The following LHFPL2 variants were observed in gnomAD, a reference collection of about 807,000 sequenced individuals.
LHFPL2 encodes the protein LHFPL tetraspan subfamily member 2.
Under a neutral mutation model 17.5 loss-of-function variants are expected in LHFPL2, and 7 were observed. The ratio of observed to expected loss-of-function variants is 0.40; its 90% CI spans 0.23 to 0.75. The LOEUF is 0.75. Among genes scored for constraint, LHFPL2 ranks in the 30% least tolerant of loss-of-function variants. LHFPL2 has a pLI of 0.37. For synonymous variants in LHFPL2, 134 were observed against 116.2 expected (o/e 1.15, Z -0.99); for missense variants, 241 against 294.8 (o/e 0.82, Z 1.34).
At chr5:78,596,929 C>T (rs1743846592) in intron 2 of LHFPL2, among the ~76,000 whole-genome samples, 1 of 152,192 alleles carries the variant, frequency 6.6e-6, no homozygotes, top group Non-Finnish European at 1.5e-5. Context: ...ACAGTCTATA[C>T]ATTCATATGA....
In LHFPL2 at chr5:78,641,413, G is replaced by A. The variant is rs116618667; in HGVS notation, c.-350+7086C>T. On this transcript the variant is annotated intron_variant, in intron 1 of 4. Coordinates refer to ENST00000380345, the MANE Select transcript of LHFPL2 (RefSeq NM_005779.3). ...TTTCTACTGCTGATGTCACCTCAGCGTTAAACATTGTTCATTATTAACCAG... is the reference window on the plus strand; with the variant it reads ...TTTCTACTGCTGATGTCACCTCAGCATTAAACATTGTTCATTATTAACCAG... Among the ~76,000 whole-genome samples, 633 of 152,274 alleles carry A rather than the reference G, an allele frequency of 4.2e-3. 1 individual carries two copies. Among genetic ancestry groups the A allele is most frequent in the Non-Finnish European group, 6.7e-3 (453 of 68,012 alleles).
chr5:78,622,581 C>G (rs961227055), intron 2 of LHFPL2, among the ~76,000 whole-genome samples: 3 of 152,084 alleles, frequency 2.0e-5, no homozygotes, highest in African/African-American at 7.2e-5. Context: ...CACATTCTGC[C>G]CAGAATTCAG....
At chr5:78,497,813 G>A (rs1754654150) in intron 4 of LHFPL2, among the ~76,000 whole-genome samples, 2 of 152,196 alleles carry the variant, frequency 1.3e-5, no homozygotes, top group Admixed American at 1.3e-4. Flanking sequence ...AACCTTCCTG[G>A]CTACAGAAAA....
chr5:78,485,702 A>C lies in LHFPL2; in HGVS notation c.*3195T>G, dbSNP rs955451201. The C allele has an allele frequency of 6.6e-6, 1 of 152,652 alleles. No individual in the cohort carries two copies. Among genetic ancestry groups the C allele is most frequent in the Non-Finnish European group, 1.5e-5 (1 of 68,036 alleles). 9.5% of individuals were successfully genotyped at this position (152,652 alleles called of 1,614,324 possible). On this transcript the variant is annotated 3_prime_UTR_variant, in exon 5 of 5. Coordinates refer to ENST00000380345, the MANE Select transcript of LHFPL2 (RefSeq NM_005779.3). Reference sequence around the variant, plus strand: ...TAGCATGGTCTATAAAAGCATGTTAAGAAATAGCTCCTCAGTGATTATGTA... The same window carrying C: ...TAGCATGGTCTATAAAAGCATGTTACGAAATAGCTCCTCAGTGATTATGTA...
chr5:78,554,716 C>A (rs539996238), intron 3 of LHFPL2, among the ~76,000 whole-genome samples: 1 of 152,228 alleles, frequency 6.6e-6, no homozygotes, highest in South Asian at 2.1e-4. Context: ...AGGAAACTTT[C>A]CGTGTCACAG....
intron 4 of LHFPL2, among the ~76,000 whole-genome samples, chr5:78,501,102 C>G (rs1754758650): frequency 6.6e-6 from 1 of 152,090 alleles, no homozygotes; most frequent in African/African-American, 2.4e-5. Flanking sequence ...TCCTTATATT[C>G]TAAAACAGTG....
Position 78,629,017 on chromosome 5 carries a change from A to G in LHFPL2, c.-245+3247T>C, listed in dbSNP as rs568380063. On this transcript the variant is annotated intron_variant, in intron 2 of 4. Transcript: ENST00000380345. The stretch of plus-strand genomic sequence containing the variant: ...ACATTGCTCAATATAAGAATGATTT[A>G]TAGGGAAAAGGGGGAAAAGGAATCA... 5.9e-5 allele frequency among the ~76,000 whole-genome samples: 9 copies of G among 152,360 alleles called. No homozygotes were observed. The South Asian group carries it at 1.4e-3, about 25-fold the overall frequency.
At chr5:78,633,057 G>T (rs6868848) in intron 1 of LHFPL2, among the ~76,000 whole-genome samples, 57,805 of 151,690 alleles carry the variant, frequency 0.38, 12,567 homozygotes, top group African/African-American at 0.61. Flanking sequence ...AGTTTCGACT[G>T]GACCTTAAGG....
At chr5:78,647,528 A>G (rs1227496293) in intron 1 of LHFPL2, among the ~76,000 whole-genome samples, 2 of 152,004 alleles carry the variant, frequency 1.3e-5, no homozygotes, top group Non-Finnish European at 2.9e-5. Flanking sequence ...CCGCGTTGCA[A>G]TTTCAAAGAG....
chr5:78,606,511 C>T (rs1214368198), intron 2 of LHFPL2, among the ~76,000 whole-genome samples: 2 of 152,122 alleles, frequency 1.3e-5, no homozygotes, highest in African/African-American at 4.8e-5. Context: ...TTAAACAGTA[C>T]CTTAGTGTCC....
At chr5:78,509,646 AG>A in intron 4 of LHFPL2, 137 bp downstream of exon 4, 1 of 834,496 alleles carries the variant, frequency 1.2e-6, no homozygotes, top group Non-Finnish European at 1.9e-6. Flanking sequence ...CTAGAACGGA[AG>A]GGGCAAAGGA....
chr5:78,580,994 C>T (rs545191509), intron 2 of LHFPL2, among the ~76,000 whole-genome samples: 4 of 152,278 alleles, frequency 2.6e-5, no homozygotes, highest in African/African-American at 4.8e-5. Flanking sequence ...GAATGTTCTT[C>T]CATTTGTTTG....
At chr5:78,626,851 CAGAA>C (rs1242262378) in intron 2 of LHFPL2, among the ~76,000 whole-genome samples, 1 of 151,882 alleles carries the variant, frequency 6.6e-6, no homozygotes, top group East Asian at 1.9e-4. Context: ...GAGGCCGAGA[CAGAA>C]AGATCACCCG....
chr5:78,587,714 G>T (rs1743469445), intron 2 of LHFPL2, among the ~76,000 whole-genome samples: 1 of 152,216 alleles, frequency 6.6e-6, no homozygotes, highest in African/African-American at 2.4e-5. Context: ...ATCTTACTTG[G>T]TTTCTTGTGT....
chr5:78,519,540 C>T (rs1755386853), intron 3 of LHFPL2, among the ~76,000 whole-genome samples: 2 of 152,330 alleles, frequency 1.3e-5, no homozygotes, highest in South Asian at 4.1e-4. Flanking sequence ...AGTCTGGAGG[C>T]AGACACTTAA....
Position 78,548,698 on chromosome 5 carries a change from G to T in LHFPL2, c.-186+16115C>A, listed in dbSNP as rs142080915. ...TATGAGGGCTAGAACTTCTCCCTCAGCTCCCCTCACCTTTCCTAGGCAGCA... is the reference window on the plus strand; with the variant it reads ...TATGAGGGCTAGAACTTCTCCCTCATCTCCCCTCACCTTTCCTAGGCAGCA... On this transcript the variant is annotated intron_variant, in intron 3 of 4. Transcript: ENST00000380345. Among the ~76,000 whole-genome samples, 1,024 of 152,284 alleles carry T rather than the reference G, an allele frequency of 6.7e-3. 18 individuals carry two copies. Among genetic ancestry groups the T allele is most frequent in the Middle Eastern group, 6.8e-3 (2 of 294 alleles).
chr5:78,625,140 C>T (rs1194724803), intron 2 of LHFPL2: 2 of 152,106 alleles, frequency 1.3e-5, no homozygotes, highest in Non-Finnish European at 2.9e-5. Flanking sequence ...TGCAGGACTT[C>T]ATCCTACTCC....
At chr5:78,580,888 T>G (rs1743107144) in intron 2 of LHFPL2, among the ~76,000 whole-genome samples, 1 of 152,192 alleles carries the variant, frequency 6.6e-6, no homozygotes, top group Non-Finnish European at 1.5e-5. Context: ...GTGAAGAAAG[T>G]CATTGGTAGC....
intron 3 of LHFPL2, among the ~76,000 whole-genome samples, chr5:78,515,438 T>C (rs935997725): frequency 1.3e-5 from 2 of 152,270 alleles, no homozygotes; most frequent in African/African-American, 4.8e-5. Context: ...GCTAGACTGG[T>C]AGATGCTTGG....
Sources: gnomAD v4.1 joint callset for allele counts (sites outside exome capture counted in the v4.1 genomes callset) on GRCh38, gnomAD v4.1.1 for gene constraint, MANE v1.5 for transcripts, NCBI Gene and HGNC (gene_info 2026-07-23, HGNC 2026-07-21) for gene names.